Variants in EXOC4 observed in about 807,000 individuals in gnomAD.
The protein encoded by EXOC4 is exocyst complex component 4.
In EXOC4, 71 loss-of-function variants were observed where a neutral mutation model predicts 107.2. That is an observed-to-expected ratio of 0.66 (90% CI 0.55 to 0.81). The LOEUF (loss-of-function observed/expected upper bound fraction) is 0.81, where lower values mean the gene tolerates loss of function less well. Ranked by LOEUF, EXOC4 falls within the 30% of genes least tolerant of loss-of-function variation. EXOC4 has a pLI of 0.00. For missense variants in EXOC4, 1,108 were observed against 1,189.6 expected (o/e 0.93, Z 1.01); for synonymous variants, 456 against 441.2 (o/e 1.03, Z -0.42).
At chr7:133,718,269 A>C (rs1795038029) in intron 10 of EXOC4, among the ~76,000 whole-genome samples, 2 of 152,174 alleles carry the variant, frequency 1.3e-5, no homozygotes, top group Admixed American at 1.3e-4. Context: ...ACCACAGGGC[A>C]AGAATGAGGA....
chr7:133,539,960 G>A (rs1313076128), intron 9 of EXOC4, among the ~76,000 whole-genome samples: 1 of 151,994 alleles, frequency 6.6e-6, no homozygotes, highest in Non-Finnish European at 1.5e-5. Flanking sequence ...TTCACTGGAG[G>A]AAATCTCACA....
At chr7:133,926,956 A>T (rs759860624) in intron 13 of EXOC4, among the ~76,000 whole-genome samples, 6 of 152,138 alleles carry the variant, frequency 3.9e-5, no homozygotes, top group Non-Finnish European at 7.4e-5. Context: ...ATTATTTGGC[A>T]CGAGTCATAT....
chr7:133,835,372 G>T (rs900989897), intron 11 of EXOC4, among the ~76,000 whole-genome samples: 2 of 152,208 alleles, frequency 1.3e-5, no homozygotes, highest in Non-Finnish European at 2.9e-5. Flanking sequence ...CACATGCAAC[G>T]TCAATACATG....
intron 11 of EXOC4, among the ~76,000 whole-genome samples, chr7:133,823,914 TATATATA>T (rs1473715203): frequency 3.0e-5 from 2 of 65,956 alleles, no homozygotes; most frequent in Non-Finnish European, 5.2e-5. Flanking sequence ...TATATATAAA[TATATATA>T]TAAATTATAT....
intron 12 of EXOC4, among the ~76,000 whole-genome samples, chr7:133,916,098 G>A (rs999595549): frequency 5.3e-5 from 8 of 152,204 alleles, no homozygotes; most frequent in Admixed American, 3.3e-4. Flanking sequence ...AGAAAAAGGG[G>A]ATGGGATGGT....
intron 11 of EXOC4, among the ~76,000 whole-genome samples, chr7:133,830,848 A>G (rs530842972): frequency 6.6e-6 from 1 of 152,288 alleles, no homozygotes; most frequent in Non-Finnish European, 1.5e-5. Flanking sequence ...TTTTAAACTT[A>G]ATGCCCTCTT....
intron 17 of EXOC4, among the ~76,000 whole-genome samples, chr7:134,018,716 A>G (rs541156295): frequency 1.8e-3 from 266 of 151,140 alleles, no homozygotes; most frequent in African/African-American, 6.3e-3. Context: ...TATTCATCTA[A>G]TTTTTATTAA....
chr7:133,814,569 A>AT (rs1243328801), intron 10 of EXOC4, among the ~76,000 whole-genome samples: 1 of 152,188 alleles, frequency 6.6e-6, no homozygotes, highest in Admixed American at 6.5e-5. Flanking sequence ...CGATAAAGAA[A>AT]TTCATCTGGC....
chr7:133,971,591 A>T (rs1801240184), intron 14 of EXOC4, among the ~76,000 whole-genome samples: 1 of 151,996 alleles, frequency 6.6e-6, no homozygotes, highest in Admixed American at 6.6e-5. Flanking sequence ...GTTTGCAGAA[A>T]CTAATGGAAA....
At chr7:133,830,210 A>G (rs997749212) in intron 11 of EXOC4, among the ~76,000 whole-genome samples, 2 of 152,084 alleles carry the variant, frequency 1.3e-5, no homozygotes, top group African/African-American at 2.4e-5. Context: ...TTCCACAAAC[A>G]TTTCGGAATT....
At position 133,860,192 on chromosome 7, in the gene EXOC4, G is replaced by A. The variant is rs147076505; in HGVS notation, c.1735-35407G>A. ...TGTAGGCCAATGCCTGTTTGTCCTT[G>A]AGAGGAGCCCAATTCTAAGCTGTTA... On this transcript the variant is annotated intron_variant, in intron 11 of 17. Coordinates refer to ENST00000253861, the MANE Select transcript of EXOC4 (RefSeq NM_021807.4). Among the ~76,000 whole-genome samples, 199 of 152,306 alleles carry A rather than the reference G, an allele frequency of 1.3e-3. 1 individual carries two copies. Among genetic ancestry groups the A allele is most frequent in the African/African-American group, 4.5e-3 (187 of 41,572 alleles).
At chr7:133,776,933 G>GC (rs1482348995) in intron 10 of EXOC4, among the ~76,000 whole-genome samples, 2 of 151,972 alleles carry the variant, frequency 1.3e-5, no homozygotes, top group Non-Finnish European at 2.9e-5. Flanking sequence ...ACGAAACAAA[G>GC]CTGTCCTGTA....
intron 1 of EXOC4, among the ~76,000 whole-genome samples, chr7:133,256,524 CAGTT>C (rs1161531164): frequency 5.3e-5 from 8 of 152,192 alleles, no homozygotes; most frequent in African/African-American, 1.7e-4. Flanking sequence ...AAATTACCGA[CAGTT>C]AGAGAGTCTA....
At chr7:133,526,149 A>G (rs1800073895) in intron 9 of EXOC4, among the ~76,000 whole-genome samples, 1 of 152,174 alleles carries the variant, frequency 6.6e-6, no homozygotes, top group Non-Finnish European at 1.5e-5. Context: ...TTTTTCCCAG[A>G]TAATTGGCTC....
intron 14 of EXOC4, among the ~76,000 whole-genome samples, chr7:133,975,469 C>T (rs770566883): frequency 3.3e-5 from 5 of 152,038 alleles, no homozygotes; most frequent in African/African-American, 4.8e-5. Flanking sequence ...AATTTATAAT[C>T]TTTAAAGAAT....
intron 14 of EXOC4, among the ~76,000 whole-genome samples, chr7:133,987,383 TAGAA>T (rs1794142138): frequency 1.4e-5 from 2 of 147,684 alleles, no homozygotes; most frequent in African/African-American, 5.0e-5. Context: ...ATTGCTGTCT[TAGAA>T]AGAAAGAAAA....
chr7:133,321,521 T>C (rs1204068157), intron 5 of EXOC4, among the ~76,000 whole-genome samples: 5 of 152,166 alleles, frequency 3.3e-5, no homozygotes, highest in African/African-American at 1.2e-4. Context: ...CATGAGGTGT[T>C]TGGTTTTCTG....
chr7:133,822,524 A>G (rs1797546136), intron 11 of EXOC4, among the ~76,000 whole-genome samples: 1 of 152,330 alleles, frequency 6.6e-6, no homozygotes, highest in East Asian at 1.9e-4. Context: ...TACCCTTGCT[A>G]CTTAGAGAGT....
At chr7:133,711,805 T>C (rs1794898384) in intron 10 of EXOC4, among the ~76,000 whole-genome samples, 2 of 152,218 alleles carry the variant, frequency 1.3e-5, no homozygotes, top group Admixed American at 1.3e-4. Context: ...TATTGTCATT[T>C]CCTGACTGTT....
Sources: allele counts gnomAD v4.1 joint callset (sites outside exome capture counted in the v4.1 genomes callset), GRCh38; gene constraint gnomAD v4.1.1; transcripts MANE v1.5; gene names NCBI Gene and HGNC (gene_info 2026-07-23, HGNC 2026-07-21).